The following UBE2E2 variants were observed in gnomAD, a reference collection of about 807,000 sequenced individuals.
UBE2E2 encodes ubiquitin conjugating enzyme E2 E2.
Under a neutral mutation model 24.7 loss-of-function variants are expected in UBE2E2, and 6 were observed. That is an observed-to-expected ratio of 0.24 (90% confidence interval 0.13 to 0.48). The LOEUF is 0.48. UBE2E2 is among the 20% of genes least tolerant of loss of function. The pLI, the probability that UBE2E2 is intolerant of heterozygous loss-of-function variation, is 0.99. For synonymous variants in UBE2E2, 104 were observed against 83.6 expected, an observed-to-expected ratio of 1.24 and a Z score of -1.33; for missense variants, 169 against 245.0, an observed-to-expected ratio of 0.69 and a Z score of 2.07.
intron 3 of UBE2E2, among the ~76,000 whole-genome samples, chr3:23,254,019 G>A (rs1168329193): frequency 6.6e-6 from 1 of 152,182 alleles, no homozygotes; most frequent in Non-Finnish European, 1.5e-5. Flanking sequence ...GGAACTGCCA[G>A]TCTAATAGGA....
intron 3 of UBE2E2, among the ~76,000 whole-genome samples, chr3:23,430,534 T>C (rs936040125): frequency 6.6e-6 from 1 of 152,138 alleles, no homozygotes; most frequent in Admixed American, 6.5e-5. Context: ...GTTGTTTTTT[T>C]GTTTTTTTCT....
intron 3 of UBE2E2, among the ~76,000 whole-genome samples, chr3:23,371,877 G>A (rs1696408494): frequency 6.6e-6 from 1 of 152,104 alleles, no homozygotes; most frequent in Non-Finnish European, 1.5e-5. Flanking sequence ...CAGCACTTTG[G>A]GAGGCCAAGG....
At chr3:23,291,773 C>T (rs902241857) in intron 3 of UBE2E2, among the ~76,000 whole-genome samples, 1 of 149,864 alleles carries the variant, frequency 6.7e-6, no homozygotes, top group Non-Finnish European at 1.5e-5. Flanking sequence ...ACCTCCGTCC[C>T]CTGGGTTCAA....
At chr3:23,373,257 A>G (rs1696440488) in intron 3 of UBE2E2, among the ~76,000 whole-genome samples, 1 of 152,202 alleles carries the variant, frequency 6.6e-6, no homozygotes, top group African/African-American at 2.4e-5. Context: ...GGAAATGGAA[A>G]GGAAGGACGG....
rs10717256 is a variant in UBE2E2 at position 23,225,873 on chromosome 3, GTT to G, written c.227+8572_227+8573del. ...TGGGAGCCATTTTATAGAAGAAAGT[GTT>G]TTTTTTTTTTGTTTTTGTTTTTGAG... is the stretch of plus-strand genomic sequence containing the variant. On this transcript the variant is annotated intron_variant, in intron 3 of 5. Coordinates refer to ENST00000396703, the MANE Select transcript of UBE2E2 (RefSeq NM_152653.4). Among the ~76,000 whole-genome samples the G allele has an allele frequency of 9.3e-4, 136 of 146,662 alleles. No individual in the cohort carries two copies. The Middle Eastern group carries it at 0.021, about 23-fold the overall frequency.
chr3:23,461,315 G>C (rs1434622022), intron 3 of UBE2E2, among the ~76,000 whole-genome samples: 1 of 152,018 alleles, frequency 6.6e-6, no homozygotes, highest in African/African-American at 2.4e-5. Context: ...GCCACCGTTA[G>C]CCAAGCTCTT....
intron 5 of UBE2E2, among the ~76,000 whole-genome samples, chr3:23,567,070 A>G (rs1409126912): frequency 6.6e-6 from 1 of 152,218 alleles, no homozygotes; most frequent in Non-Finnish European, 1.5e-5. Flanking sequence ...TTCTAGGATC[A>G]GTGAATATTA....
chr3:23,482,793 T>G (rs1423374678), intron 3 of UBE2E2, among the ~76,000 whole-genome samples: 1 of 152,204 alleles, frequency 6.6e-6, no homozygotes, highest in African/African-American at 2.4e-5. Context: ...GATTTGAGAA[T>G]AATAATCCTA....
At chr3:23,433,188 T>C (rs1698105998) in intron 3 of UBE2E2, among the ~76,000 whole-genome samples, 1 of 151,986 alleles carries the variant, frequency 6.6e-6, no homozygotes, top group South Asian at 2.1e-4. Context: ...TAGGATACTG[T>C]GGTGGACCAA....
intron 4 of UBE2E2, among the ~76,000 whole-genome samples, chr3:23,531,193 T>A (rs1695115227): frequency 1.3e-5 from 2 of 152,308 alleles, no homozygotes; most frequent in Middle Eastern, 6.8e-3. Flanking sequence ...TACATAAATC[T>A]GGTGTTTGAC....
chr3:23,281,289 TA>T (rs1040271476), intron 3 of UBE2E2, among the ~76,000 whole-genome samples: 5 of 152,144 alleles, frequency 3.3e-5, no homozygotes, highest in South Asian at 4.1e-4. Flanking sequence ...TTCTGTAATA[TA>T]AAAAAATGCC....
At chr3:23,279,317 A>G (rs963748472) in intron 3 of UBE2E2, among the ~76,000 whole-genome samples, 4 of 152,150 alleles carry the variant, frequency 2.6e-5, no homozygotes, top group Non-Finnish European at 4.4e-5. Context: ...CAAGTTAGCA[A>G]TCTGCAGTTT....
intron 3 of UBE2E2, among the ~76,000 whole-genome samples, chr3:23,228,613 CAG>C (rs756669635): frequency 5.7e-4 from 87 of 152,026 alleles, no homozygotes; most frequent in Non-Finnish European, 4.4e-4. Flanking sequence ...TATTTTAAGA[CAG>C]TGTAAAATTT....
chr3:23,248,603 A>G (rs1697484668), intron 3 of UBE2E2, among the ~76,000 whole-genome samples: 1 of 152,258 alleles, frequency 6.6e-6, no homozygotes, highest in Non-Finnish European at 1.5e-5. Flanking sequence ...AACTATGTAT[A>G]GTCTTCTTTA....
intron 3 of UBE2E2, among the ~76,000 whole-genome samples, chr3:23,224,955 G>A (rs951004436): frequency 4.7e-5 from 7 of 148,688 alleles, no homozygotes; most frequent in Non-Finnish European, 1.0e-4. Flanking sequence ...AGCACTTGAT[G>A]TTGTCCTTTT....
intron 3 of UBE2E2, among the ~76,000 whole-genome samples, chr3:23,496,020 CTTG>C (rs962722362): frequency 1.3e-5 from 2 of 152,156 alleles, no homozygotes; most frequent in East Asian, 1.9e-4. Context: ...CACCTCATCC[CTTG>C]TTGTTCTCAT....
intron 3 of UBE2E2, among the ~76,000 whole-genome samples, chr3:23,263,137 A>G (rs144799156): frequency 2.0e-5 from 3 of 152,322 alleles, no homozygotes; most frequent in African/African-American, 4.8e-5. Flanking sequence ...TGATACAGCA[A>G]TACATATTAA....
At chr3:23,500,419 T>C (rs1446513789) in intron 4 of UBE2E2, among the ~76,000 whole-genome samples, 1 of 152,242 alleles carries the variant, frequency 6.6e-6, no homozygotes, top group East Asian at 1.9e-4. Context: ...GGTTATATAC[T>C]TTAGAAAGTC....
At chr3:23,238,343 C>T (rs531896404) in intron 3 of UBE2E2, among the ~76,000 whole-genome samples, 1 of 152,270 alleles carries the variant, frequency 6.6e-6, no homozygotes, top group East Asian at 1.9e-4. Context: ...AGATTTACTC[C>T]ACCTGCCTTG....
Sources: gnomAD v4.1 joint callset for allele counts (sites outside exome capture counted in the v4.1 genomes callset) on GRCh38, gnomAD v4.1.1 for gene constraint, MANE v1.5 for transcripts, NCBI Gene and HGNC (gene_info 2026-07-23, HGNC 2026-07-21) for gene names.